FBXO34: variants seen among roughly 807,000 people sequenced by gnomAD.
FBXO34 encodes F-box protein 34, also known as F-box only protein 34.
In FBXO34, 12 loss-of-function variants were observed where a neutral mutation model predicts 24.5. The ratio of observed to expected loss-of-function variants is 0.49; its 90% confidence interval spans 0.31 to 0.79. The LOEUF (loss-of-function observed/expected upper bound fraction) is 0.79. Ranked by LOEUF, FBXO34 falls within the 30% of genes least tolerant of loss-of-function variation. The probability of loss-of-function intolerance (pLI) is 0.04; values close to 1 mark genes in which losing one functional copy is unlikely to be tolerated. For synonymous variants in FBXO34, 320 were observed against 311.9 expected, an observed-to-expected ratio of 1.03 and a Z score of -0.27; for missense variants, 823 against 857.7, an observed-to-expected ratio of 0.96 and a Z score of 0.51.
At chr14:55,361,261 C>T (rs990919515) in intron 3 of FBXO34, among the ~76,000 whole-genome samples, 1 of 152,210 alleles carries the variant, frequency 6.6e-6, no homozygotes, top group African/African-American at 2.4e-5. Context: ...TGTATATCTC[C>T]ATCAGAGCTC....
chr14:55,326,737 C>G (rs1040700547), intron 1 of FBXO34, among the ~76,000 whole-genome samples: 4 of 152,026 alleles, frequency 2.6e-5, no homozygotes, highest in Admixed American at 2.0e-4. Context: ...ATACGATGAT[C>G]AAAAAGAGCA....
At chr14:55,343,097 A>G (rs371664108) in intron 1 of FBXO34, among the ~76,000 whole-genome samples, 2 of 152,212 alleles carry the variant, frequency 1.3e-5, no homozygotes, top group Admixed American at 1.3e-4. Flanking sequence ...CCAGTGAAGA[A>G]GGCTGTCATA....
At chr14:55,342,790 A>G (rs1184697931) in intron 1 of FBXO34, among the ~76,000 whole-genome samples, 2 of 152,228 alleles carry the variant, frequency 1.3e-5, no homozygotes, top group Non-Finnish European at 2.9e-5. Flanking sequence ...TGTGGCACTT[A>G]TTAAAAACTG....
chr14:55,432,528 AAAAAC>A, the FBXO34 span, among the ~76,000 whole-genome samples: 2 of 136,800 alleles, frequency 1.5e-5, no homozygotes, highest in African/African-American at 3.6e-5. Context: ...TTAACAAAAC[AAAAAC>A]AAAAGATAAA....
downstream of FBXO34, among the ~76,000 whole-genome samples, chr14:55,364,470 G>A (rs1020242044): frequency 9.2e-5 from 14 of 152,082 alleles, no homozygotes; most frequent in South Asian, 2.3e-3. Flanking sequence ...TGTCGCCCAG[G>A]CTGGCATGCA....
At chr14:55,363,013 TTCTC>T (rs200416843), downstream of FBXO34, among the ~76,000 whole-genome samples, 163 of 143,636 alleles carry the variant, frequency 1.1e-3, no homozygotes, top group Middle Eastern at 7.0e-3. Context: ...GACCCCTTTT[TTCTC>T]TCTCTCTTTT....
At chr14:55,386,750 G>A in the FBXO34 span, among the ~76,000 whole-genome samples, 2 of 152,172 alleles carry the variant, frequency 1.3e-5, no homozygotes, top group Admixed American at 1.3e-4. Flanking sequence ...GTCAGATTTA[G>A]GTCCTTTTTG....
chr14:55,388,876 C>G, the FBXO34 span, among the ~76,000 whole-genome samples: 8,864 of 152,228 alleles, frequency 0.058, 328 homozygotes, highest in South Asian at 0.09. Flanking sequence ...GCGTCTAGAT[C>G]TGGGCCCATC....
At chr14:55,392,884 A>G in the FBXO34 span, among the ~76,000 whole-genome samples, 8 of 152,162 alleles carry the variant, frequency 5.3e-5, no homozygotes, top group Non-Finnish European at 1.0e-4. Context: ...ATCCACAGGG[A>G]CTGAGGGGTT....
chr14:55,289,473 T>C (rs185858420), intron 1 of FBXO34, among the ~76,000 whole-genome samples: 1 of 152,314 alleles, frequency 6.6e-6, no homozygotes. Context: ...AAGCAAACAG[T>C]GTTACCAGTT....
chr14:55,345,429 G>A (rs897181083), intron 1 of FBXO34, among the ~76,000 whole-genome samples: 3 of 152,068 alleles, frequency 2.0e-5, no homozygotes, highest in African/African-American at 4.8e-5. Context: ...AGGACTTTGC[G>A]TATCTTCCCT....
At chr14:55,356,389 G>A (rs565368798), downstream of FBXO34, among the ~76,000 whole-genome samples, 6 of 152,258 alleles carry the variant, frequency 3.9e-5, no homozygotes, top group East Asian at 7.7e-4. Flanking sequence ...GGTATGCCTC[G>A]TTTAAAGGCA....
chr14:55,376,288 C>G, the FBXO34 span, among the ~76,000 whole-genome samples: 2 of 152,324 alleles, frequency 1.3e-5, no homozygotes, highest in South Asian at 2.1e-4. Context: ...TAAATATTAG[C>G]TCTTATTAGT....
chr14:55,342,067 C>A (rs1458380964), intron 1 of FBXO34, among the ~76,000 whole-genome samples: 1 of 152,104 alleles, frequency 6.6e-6, no homozygotes, highest in Non-Finnish European at 1.5e-5. Flanking sequence ...AAAAGAAAAC[C>A]AAAGTGTAGT....
chr14:55,358,000 G>A (rs1490792668), downstream of FBXO34, among the ~76,000 whole-genome samples: 1 of 152,134 alleles, frequency 6.6e-6, no homozygotes, highest in Non-Finnish European at 1.5e-5. Flanking sequence ...TCAAGGGTAG[G>A]GTTGGAGCCA....
At chr14:55,328,414 G>A (rs1366109049) in intron 1 of FBXO34, among the ~76,000 whole-genome samples, 1 of 152,120 alleles carries the variant, frequency 6.6e-6, no homozygotes, top group Non-Finnish European at 1.5e-5. Flanking sequence ...CACAAGCACC[G>A]TAACAATAGA....
the FBXO34 span, among the ~76,000 whole-genome samples, chr14:55,416,943 G>C: frequency 6.6e-6 from 1 of 152,126 alleles, no homozygotes; most frequent in East Asian, 1.9e-4. Flanking sequence ...TCCTAACTAG[G>C]AGGTGGTATA....
At chr14:55,274,489 A>G (rs1467011507) in intron 1 of FBXO34, among the ~76,000 whole-genome samples, 1 of 152,188 alleles carries the variant, frequency 6.6e-6, no homozygotes, top group Non-Finnish European at 1.5e-5. Context: ...TTTTATGGAA[A>G]TTAATTTTGA....
Position 55,352,643 on chromosome 14 carries a change from A to G in FBXO34, c.*117A>G, listed in dbSNP as rs929115137. The G allele has an allele frequency of 1.2e-6, 1 of 846,018 alleles. No individual in the cohort carries two copies. Among genetic ancestry groups the G allele is most frequent in the African/African-American group, 1.7e-5 (1 of 58,348 alleles). The allele number at this position is 846,018 out of a possible 1,614,324, so 52.4% of individuals were successfully genotyped here. A position where few individuals can be genotyped will look rare whatever the true frequency, so the allele number is the denominator to read the frequency against. Reference sequence around the variant, plus strand: ...ACTCTAGAAGAATCTGTACATCATCAGGACTGCATTGCTCAGGCATTTTCT... The same window carrying G: ...ACTCTAGAAGAATCTGTACATCATCGGGACTGCATTGCTCAGGCATTTTCT... On this transcript the variant is annotated 3_prime_UTR_variant, in exon 2 of 2. Coordinates refer to ENST00000313833, the MANE Select transcript of FBXO34 (RefSeq NM_017943.4).
Sources: gnomAD v4.1 joint callset for allele counts (sites outside exome capture counted in the v4.1 genomes callset) on GRCh38, gnomAD v4.1.1 for gene constraint, MANE v1.5 for transcripts, NCBI Gene and HGNC (gene_info 2026-07-23, HGNC 2026-07-21) for gene names.